The following ZCCHC14 variants were observed in gnomAD, a reference collection of about 807,000 sequenced individuals.
ZCCHC14 encodes zinc finger CCHC-type containing 14, also known as zinc finger CCHC domain-containing protein 14.
A neutral mutation model predicts 85.0 loss-of-function variants in ZCCHC14; 16 were observed. That is an observed-to-expected ratio of 0.19 (90% CI 0.13 to 0.29). The LOEUF is 0.29. ZCCHC14 is among the 10% of genes least tolerant of loss of function. The pLI is 1.00. For missense variants in ZCCHC14, 1,303 were observed against 1,443.5 expected (o/e 0.90, Z 1.58); for synonymous variants, 775 against 630.7 (o/e 1.23, Z -3.43).
At chr16:87,425,864 C>G (rs1353461747) in intron 3 of ZCCHC14, among the ~76,000 whole-genome samples, 1 of 152,228 alleles carries the variant, frequency 6.6e-6, no homozygotes, top group Admixed American at 6.5e-5. Context: ...ATCTTTCCTA[C>G]TGCGCCCTAA....
At chr16:87,477,222 G>C (rs1249499099) in intron 1 of ZCCHC14, among the ~76,000 whole-genome samples, 3 of 151,386 alleles carry the variant, frequency 2.0e-5, no homozygotes, top group Non-Finnish European at 4.4e-5. Flanking sequence ...CTAAATGTAG[G>C]TTTTACCTTT....
intron 2 of ZCCHC14, among the ~76,000 whole-genome samples, chr16:87,458,769 A>T (rs1381265544): frequency 6.6e-6 from 1 of 152,164 alleles, no homozygotes; most frequent in Admixed American, 6.5e-5. Context: ...CACGTGGCGC[A>T]CCTGCTAGGA....
chr16:87,417,832 G>A, intron 7 of ZCCHC14, 90 bp from the exon 8 acceptor site: 2 of 1,413,662 alleles, frequency 1.4e-6, no homozygotes, highest in Non-Finnish European at 1.9e-6. Flanking sequence ...GCCTTTCTGT[G>A]CCAGCCTCTG....
intron 1 of ZCCHC14, among the ~76,000 whole-genome samples, chr16:87,475,349 C>A (rs368229115): frequency 6.6e-6 from 1 of 151,932 alleles, no homozygotes; most frequent in African/African-American, 2.4e-5. Context: ...GTCAGAAGTT[C>A]GAGACTAGCC....
intron 2 of ZCCHC14, among the ~76,000 whole-genome samples, chr16:87,451,045 C>T (rs982791981): frequency 2.0e-5 from 3 of 151,454 alleles, no homozygotes; most frequent in African/African-American, 7.3e-5. Flanking sequence ...ATTACAGGTG[C>T]GTGCCACCAT....
In ZCCHC14 at chr16:87,492,917, G is replaced by GCGA. The variant is rs1391724629; in HGVS notation, c.-680_-679insTCG. On this transcript the variant is annotated 5_prime_UTR_variant, in exon 1 of 13. Transcript: ENST00000671377. This position sits in a 1 kb window ranked among gnomAD's most constrained non-coding sequence, Gnocchi z 6.7. ...GGATCCGGGCCCGAGCGCGGCGGCG[G>GCGA]CGGCGACGGCGACGGCGACGGCGAC... 4.1e-5 allele frequency among the ~76,000 whole-genome samples: 6 copies of GCGA among 145,240 alleles called. No homozygotes were observed. Among genetic ancestry groups the GCGA allele is most frequent in the East Asian group, 2.2e-4 (1 of 4,620 alleles).
In ZCCHC14 at chr16:87,467,253, C is replaced by T. The variant is rs575663640; in HGVS notation, c.571-7122G>A. On this transcript the variant is annotated intron_variant, in intron 1 of 12. Transcript: ENST00000671377. Reference sequence around the variant, plus strand: ...TGCAAGCCTCTCGTTTTACCGGACACTAAACCCAAAATTAAGGATAATGGA... The same window carrying T: ...TGCAAGCCTCTCGTTTTACCGGACATTAAACCCAAAATTAAGGATAATGGA... 7.4e-5 allele frequency: 116 copies of T among 1,574,188 alleles called. 2 individuals are homozygous for T. The South Asian group carries it at 1.0e-3, about 14-fold the overall frequency.
intron 1 of ZCCHC14, among the ~76,000 whole-genome samples, chr16:87,486,191 C>G (rs1342561756): frequency 1.3e-5 from 2 of 152,180 alleles, no homozygotes; most frequent in Non-Finnish European, 2.9e-5. Context: ...GCTACTGCAG[C>G]TCCATCATGG....
rs1316417649 is a variant in ZCCHC14, at chr16:87,420,936, G to C, written c.841-220C>G. ...CTCACAGTTACATCCGGAAAAGCTTGACAATCTGCACAATCACAATGTTCC... is the reference window on the plus strand; with the variant it reads ...CTCACAGTTACATCCGGAAAAGCTTCACAATCTGCACAATCACAATGTTCC... On this transcript the variant is annotated intron_variant, in intron 4 of 12. Transcript: ENST00000671377. The surrounding 1 kb of genome is among the most constrained non-coding windows in gnomAD (Gnocchi z 5.0). 6.6e-6 allele frequency among the ~76,000 whole-genome samples: 1 copy of C among 152,246 alleles called. No individual in the cohort carries two copies. Among genetic ancestry groups the C allele is most frequent in the Non-Finnish European group, 1.5e-5 (1 of 68,040 alleles).
chr16:87,428,898 C>T (rs1442858257), intron 3 of ZCCHC14, among the ~76,000 whole-genome samples: 2 of 152,140 alleles, frequency 1.3e-5, no homozygotes, highest in East Asian at 3.9e-4. Flanking sequence ...GCATTACTGC[C>T]GGGGGTGGTA....
rs114157056 is a variant in ZCCHC14, at chr16:87,411,048, G to A, written c.3205+468C>T. Among the ~76,000 whole-genome samples, 420 of 152,362 alleles carry A rather than the reference G, an allele frequency of 2.8e-3. 2 individuals carry two copies. The highest frequency in any genetic ancestry group is 9.6e-3 in the African/African-American group (400 of 41,594). ...ACAAAAAAATAGCGGAGATAAAACA[G>A]GAGGGAACGGAAGATGCAGCATGGC... On this transcript the variant is annotated intron_variant, in intron 12 of 12. Transcript: ENST00000671377.
chr16:87,423,721 G>A lies in ZCCHC14; in HGVS notation c.840+89C>T. ...GCGCACGCTCACTCGCTAGCTGAAGGGAGTGGCCTCTGAAATTACTCCGTG... is the reference window on the plus strand; with the variant it reads ...GCGCACGCTCACTCGCTAGCTGAAGAGAGTGGCCTCTGAAATTACTCCGTG... On this transcript the variant is annotated intron_variant, in intron 4 of 12. Transcript: ENST00000671377. 4 of 1,445,350 alleles carry A rather than the reference G, an allele frequency of 2.8e-6. No homozygotes were observed. In the South Asian group the frequency reaches 4.8e-5, roughly 17 times the overall value. 89.5% of individuals were successfully genotyped at this position (1,445,350 alleles called of 1,614,324 possible). A position where few individuals can be genotyped will look rare whatever the true frequency, so the allele number is the denominator to read the frequency against.
rs1275557219 is a variant in ZCCHC14 at position 87,486,933 on chromosome 16, T to C, written c.570+4736A>G. Among the ~76,000 whole-genome samples the C allele has an allele frequency of 2.6e-5, 4 of 152,334 alleles. No individual in the cohort carries two copies. In the East Asian group the frequency reaches 7.7e-4, roughly 29 times the overall value. On this transcript the variant is annotated intron_variant, in intron 1 of 12. Transcript: ENST00000671377. ...GAGAGAGTCCGTTCTTATGGAATGC[T>C]AGATGACTCTTGGCTGCAATAGGCC...
intron 2 of ZCCHC14, among the ~76,000 whole-genome samples, chr16:87,455,783 C>A (rs1357103116): frequency 6.6e-6 from 1 of 152,194 alleles, no homozygotes; most frequent in South Asian, 2.1e-4. Flanking sequence ...CTGCTTCGAG[C>A]GCCCATACAA....
chr16:87,445,686 T>C (rs993389518), intron 2 of ZCCHC14, among the ~76,000 whole-genome samples: 4 of 152,150 alleles, frequency 2.6e-5, no homozygotes, highest in Admixed American at 2.6e-4. Flanking sequence ...GCTACGACTA[T>C]GTGATGACGC....
intron 3 of ZCCHC14, among the ~76,000 whole-genome samples, chr16:87,427,136 G>T (rs1909412895): frequency 1.3e-5 from 2 of 152,338 alleles, no homozygotes; most frequent in African/African-American, 4.8e-5. Context: ...TTGGATACTG[G>T]GTGAGACATG....
chr16:87,447,789 A>C (rs924037989), intron 2 of ZCCHC14, among the ~76,000 whole-genome samples: 5 of 152,226 alleles, frequency 3.3e-5, no homozygotes, highest in African/African-American at 1.2e-4. Flanking sequence ...TTGTTTTCTT[A>C]ATGGTTGTAC....
At chr16:87,477,473 CAG>C (rs1327523094) in intron 1 of ZCCHC14, among the ~76,000 whole-genome samples, 1 of 152,222 alleles carries the variant, frequency 6.6e-6, no homozygotes, top group Non-Finnish European at 1.5e-5. Flanking sequence ...CTACCAGCCG[CAG>C]AGTCTGGGGC....
rs142976211 is a variant in ZCCHC14 at position 87,431,877 on chromosome 16, G to A, written c.768+1251C>T. On this transcript the variant is annotated intron_variant, in intron 3 of 12. Coordinates refer to ENST00000671377, the MANE Select transcript of ZCCHC14 (RefSeq NM_015144.3). Reference sequence around the variant, plus strand: ...GGGCTCCGCCTGGGCTGCACGACATGAGACCCAGAAACTCCGTGGGCGCCG... The same window carrying A: ...GGGCTCCGCCTGGGCTGCACGACATAAGACCCAGAAACTCCGTGGGCGCCG... Among the ~76,000 whole-genome samples, 514 of 152,298 alleles carry A rather than the reference G, an allele frequency of 3.4e-3. 2 individuals carry two copies. The highest frequency in any genetic ancestry group is 0.011 in the African/African-American group (470 of 41,562).
Sources: allele counts gnomAD v4.1 joint callset (sites outside exome capture counted in the v4.1 genomes callset), GRCh38; gene constraint gnomAD v4.1.1; non-coding constraint Gnocchi (gnomAD v3.1); transcripts MANE v1.5; gene names NCBI Gene and HGNC (gene_info 2026-07-23, HGNC 2026-07-21).